The following STMN2 variants were observed in gnomAD, a reference collection of about 807,000 sequenced individuals.
STMN2 encodes stathmin-2.
Under a neutral mutation model 24.1 loss-of-function variants are expected in STMN2, and 2 were observed. That is an observed-to-expected ratio of 0.08 (90% CI 0.03 to 0.26). The LOEUF (loss-of-function observed/expected upper bound fraction) is 0.26. STMN2 is among the 10% of genes least tolerant of loss of function. The pLI is 1.00. For missense variants in STMN2, 114 were observed against 213.6 expected (o/e 0.53, Z 2.91); for synonymous variants, 83 against 77.5 (o/e 1.07, Z -0.37).
At chr8:79,633,950 TGAG>T (rs1383416105) in intron 1 of STMN2, among the ~76,000 whole-genome samples, 1 of 152,196 alleles carries the variant, frequency 6.6e-6, no homozygotes, top group East Asian at 1.9e-4. Context: ...GGACAGATAT[TGAG>T]GAGTTTTTTC....
At position 79,611,200 on chromosome 8, in the gene STMN2, C is replaced by T. The variant is rs1381563981; in HGVS notation, c.5C>T (p.Ala2Val). 1.9e-6 allele frequency: 3 copies of T among 1,613,996 alleles called. No individual in the cohort carries two copies. Among genetic ancestry groups the T allele is most frequent in the Non-Finnish European group, 2.5e-6 (3 of 1,180,056 alleles). ...CAGCGTCTGCACATCCCTACAATGG[C>T]TAAAACAGCAATGGGTAAGGCACTG... M[A>V]KTAMAYKEKM... is the part of the protein sequence containing the mutation. Residue 2 changes from alanine to valine, a missense_variant, in exon 1 of 5, where the codon GCT (alanine) becomes GTT (valine). Transcript: ENST00000220876.
chr8:79,649,830 A>C (rs1335047918), intron 3 of STMN2, among the ~76,000 whole-genome samples: 1 of 152,350 alleles, frequency 6.6e-6, no homozygotes, highest in East Asian at 1.9e-4. Context: ...TTTGTATAGT[A>C]ATTAAACTCT....
intron 4 of STMN2, among the ~76,000 whole-genome samples, chr8:79,659,340 G>A (rs1806447727): frequency 6.6e-6 from 1 of 152,184 alleles, no homozygotes; most frequent in African/African-American, 2.4e-5. Flanking sequence ...AGAGTGGTAT[G>A]AGAAGTAGAA....
At chr8:79,617,921 C>T (rs550766125) in intron 1 of STMN2, among the ~76,000 whole-genome samples, 4 of 152,150 alleles carry the variant, frequency 2.6e-5, no homozygotes, top group Middle Eastern at 3.2e-3. Flanking sequence ...CTTAATAATC[C>T]TAAGTAGGTT....
At chr8:79,659,584 C>T (rs1025053350) in intron 4 of STMN2, among the ~76,000 whole-genome samples, 1 of 152,188 alleles carries the variant, frequency 6.6e-6, no homozygotes. Flanking sequence ...TCAAGAATTG[C>T]AGTGAGACAG....
Position 79,629,557 on chromosome 8 carries a change from T to A in STMN2, c.20-7245T>A, listed in dbSNP as rs1191277115. ...CAACTTTAGAAAACTGTTGAGAAAA[T>A]GTTGCACACTGCGCATTTTACAAAA... On this transcript the variant is annotated intron_variant, in intron 1 of 4. Transcript: ENST00000220876. Among the ~76,000 whole-genome samples the A allele has an allele frequency of 2.0e-5, 3 of 152,284 alleles. No individual in the cohort carries two copies. The East Asian group carries it at 5.8e-4, about 29-fold the overall frequency.
intron 3 of STMN2, among the ~76,000 whole-genome samples, chr8:79,643,140 T>A (rs1002633929): frequency 1.0e-5 from 1 of 99,144 alleles, no homozygotes; most frequent in African/African-American, 4.1e-5. Context: ...GGTGTGTGTA[T>A]GTGTGTGTGT....
intron 1 of STMN2, among the ~76,000 whole-genome samples, chr8:79,612,450 A>G (rs1809262497): frequency 6.6e-6 from 1 of 151,854 alleles, no homozygotes; most frequent in Non-Finnish European, 1.5e-5. Context: ...ATAAAGCAAA[A>G]GAGGTCAAAG....
In STMN2 at chr8:79,664,904, A is replaced by G. The variant is rs372552321; in HGVS notation, c.*30A>G. 87 of 1,607,482 alleles carry G rather than the reference A, an allele frequency of 5.4e-5. No individual in the cohort carries two copies. The African/African-American group carries it at 1.0e-3, about 19-fold the overall frequency. ...AGGGAGGGTCTGGCACGCCCCACCAATAGTAAATCCCCCTGCCTATATTAT... is the reference window on the plus strand; with the variant it reads ...AGGGAGGGTCTGGCACGCCCCACCAGTAGTAAATCCCCCTGCCTATATTAT... On this transcript the variant is annotated 3_prime_UTR_variant, in exon 5 of 5. Transcript: ENST00000220876.
chr8:79,615,967 G>A (rs1316191543), intron 1 of STMN2, among the ~76,000 whole-genome samples: 1 of 152,134 alleles, frequency 6.6e-6, no homozygotes, highest in African/African-American at 2.4e-5. Flanking sequence ...TTTAGCAGCC[G>A]AATATTTTAA....
intron 4 of STMN2, 128 bp downstream of exon 4, chr8:79,655,190 G>A: frequency 1.0e-6 from 1 of 994,612 alleles, no homozygotes; most frequent in South Asian, 1.7e-5. Context: ...TAACTCCCAT[G>A]GGCAGGGTCT....
intron 1 of STMN2, among the ~76,000 whole-genome samples, chr8:79,623,553 T>A (rs1022168873): frequency 3.3e-5 from 5 of 152,230 alleles, no homozygotes; most frequent in Non-Finnish European, 5.9e-5. Context: ...TTTACAAGTA[T>A]AGTACAGTTC....
chr8:79,662,505 C>A (rs916388789), intron 4 of STMN2, among the ~76,000 whole-genome samples: 2 of 152,072 alleles, frequency 1.3e-5, no homozygotes, highest in Admixed American at 6.6e-5. Context: ...TGTTCTCCCA[C>A]ATTTTGATAT....
intron 2 of STMN2, among the ~76,000 whole-genome samples, chr8:79,638,283 G>C (rs1810012382): frequency 6.6e-6 from 1 of 152,174 alleles, no homozygotes; most frequent in Non-Finnish European, 1.5e-5. Context: ...AAGGAGCCAG[G>C]GATGGTTTTT....
chr8:79,638,603 G>A (rs543945057), intron 2 of STMN2, among the ~76,000 whole-genome samples: 1 of 152,088 alleles, frequency 6.6e-6, no homozygotes, highest in South Asian at 2.1e-4. Flanking sequence ...TATTATTATT[G>A]TTTACATTTG....
chr8:79,635,910 T>TA (rs200956765), intron 1 of STMN2, among the ~76,000 whole-genome samples: 211 of 147,434 alleles, frequency 1.4e-3, no homozygotes, highest in Admixed American at 1.8e-3. Context: ...AACTTGAAAT[T>TA]AAAAAAAAAA....
At chr8:79,624,086 AT>A (rs1227804866) in intron 1 of STMN2, among the ~76,000 whole-genome samples, 3 of 152,136 alleles carry the variant, frequency 2.0e-5, no homozygotes, top group Admixed American at 1.3e-4. Flanking sequence ...CTGAGAATGA[AT>A]TTTTTTAAGA....
At chr8:79,661,629 C>T (rs1381925193) in intron 4 of STMN2, among the ~76,000 whole-genome samples, 1 of 152,014 alleles carries the variant, frequency 6.6e-6, no homozygotes, top group African/African-American at 2.4e-5. Flanking sequence ...TTTGGATGTA[C>T]TATCACATTT....
At chr8:79,655,901 G>T (rs1166034036) in intron 4 of STMN2, among the ~76,000 whole-genome samples, 3 of 152,108 alleles carry the variant, frequency 2.0e-5, no homozygotes, top group Non-Finnish European at 4.4e-5. Flanking sequence ...CACCCTTCCC[G>T]CCAGTAGCAA....
Sources: gnomAD v4.1 joint callset for allele counts (sites outside exome capture counted in the v4.1 genomes callset) on GRCh38, gnomAD v4.1.1 for gene constraint, MANE v1.5 for transcripts, NCBI Gene and HGNC (gene_info 2026-07-23, HGNC 2026-07-21) for gene names.